The following SCAF11 variants were observed in gnomAD, a reference collection of about 807,000 sequenced individuals.
SCAF11 encodes the protein protein SCAF11.
SCAF11 carries 47 observed loss-of-function variants against 140.5 expected under a neutral mutation model. The observed-to-expected ratio is 0.33, with a 90% CI of 0.26 to 0.43. SCAF11 has a LOEUF of 0.43. Among genes scored for constraint, SCAF11 ranks in the 20% least tolerant of loss-of-function variants. The pLI is 1.00. For missense variants in SCAF11, 1,645 were observed against 1,705.1 expected (o/e 0.96, Z 0.62); for synonymous variants, 557 against 579.4 (o/e 0.96, Z 0.55).
At chr12:45,991,644 C>T (rs1946614262), upstream of SCAF11, among the ~76,000 whole-genome samples, 1 of 152,236 alleles carries the variant, frequency 6.6e-6, no homozygotes, top group Admixed American at 6.5e-5. Flanking sequence ...CCATCCTCCA[C>T]TTTTTCCCCC....
intron 1 of SCAF11, among the ~76,000 whole-genome samples, chr12:45,972,060 A>G (rs1946085700): frequency 6.6e-6 from 1 of 152,178 alleles, no homozygotes; most frequent in African/African-American, 2.4e-5. Flanking sequence ...CCCAAGCTGA[A>G]CGTATGTGGA....
chr12:45,989,547 T>C (rs1002525653), intron 1 of SCAF11, among the ~76,000 whole-genome samples: 3 of 152,258 alleles, frequency 2.0e-5, no homozygotes, highest in Non-Finnish European at 2.9e-5. Context: ...ATCAGGCGTC[T>C]ACTTTTGAAA....
chr12:45,940,497 C>T (rs752574671), intron 6 of SCAF11, among the ~76,000 whole-genome samples: 4 of 152,152 alleles, frequency 2.6e-5, no homozygotes, highest in Non-Finnish European at 4.4e-5. Flanking sequence ...GATATAGAGT[C>T]AGAAGACTGG....
At chr12:45,963,559 A>G (rs1945872889) in intron 2 of SCAF11, among the ~76,000 whole-genome samples, 1 of 152,208 alleles carries the variant, frequency 6.6e-6, no homozygotes, top group African/African-American at 2.4e-5. Context: ...TTTACCACCA[A>G]TAGACCTTCA....
chr12:45,972,614 AAAC>A (rs1195116482), intron 1 of SCAF11, among the ~76,000 whole-genome samples: 1 of 149,360 alleles, frequency 6.7e-6, no homozygotes, highest in Non-Finnish European at 1.5e-5. Context: ...AAAATCCAAA[AAAC>A]AAAAACAAAA....
intron 1 of SCAF11, among the ~76,000 whole-genome samples, chr12:45,976,110 T>C (rs971162547): frequency 3.3e-5 from 5 of 152,164 alleles, no homozygotes; most frequent in African/African-American, 9.7e-5. Flanking sequence ...CCTATATGTG[T>C]ACATTTAACA....
At chr12:45,984,355 T>C (rs1392837622) in intron 1 of SCAF11, among the ~76,000 whole-genome samples, 1 of 152,204 alleles carries the variant, frequency 6.6e-6, no homozygotes, top group Non-Finnish European at 1.5e-5. Context: ...AGATATTTCC[T>C]TATGGTTAGA....
intron 6 of SCAF11, among the ~76,000 whole-genome samples, chr12:45,944,933 C>T (rs1565672137): frequency 6.6e-6 from 1 of 152,094 alleles, no homozygotes; most frequent in Non-Finnish European, 1.5e-5. Context: ...ATCTCATCTC[C>T]CCCAAGGACT....
Position 45,925,054 on chromosome 12 carries a change from T to C in SCAF11, c.3580A>G (p.Thr1194Ala), listed in dbSNP as rs751479962. 12 of 1,612,772 alleles carry C rather than the reference T, an allele frequency of 7.4e-6. No homozygotes were observed. The highest frequency in any genetic ancestry group is 2.7e-5 in the African/African-American group (2 of 74,920). Residue 1194 changes from threonine (T) to alanine (A), a missense_variant, in exon 12 of 15, where the codon ACA becomes GCA. Transcript: ENST00000369367. ...TGAGAACCATCAACTTGCTGGTTTG[T>C]TTGGTCTTTTAGGCTAGAATCTATC... Reference protein sequence around the residue: ...SGQDSSLKDQTNQQVDGSQLP... With the variant: ...SGQDSSLKDQANQQVDGSQLP...
chr12:45,974,383 T>C (rs1946184975), intron 1 of SCAF11: 1 of 355,914 alleles, frequency 2.8e-6, no homozygotes, highest in African/African-American at 2.1e-5. Context: ...GACACTCCTT[T>C]CACAAAAAAT....
intron 1 of SCAF11, among the ~76,000 whole-genome samples, chr12:45,982,607 A>G (rs1429332297): frequency 1.3e-5 from 2 of 152,174 alleles, no homozygotes; most frequent in African/African-American, 4.8e-5. Context: ...CAGGAGACTG[A>G]GGCAGGAGAA....
chr12:45,976,426 A>G (rs1946236377), intron 1 of SCAF11, among the ~76,000 whole-genome samples: 1 of 152,150 alleles, frequency 6.6e-6, no homozygotes, highest in Non-Finnish European at 1.5e-5. Flanking sequence ...CCTAATTTAT[A>G]AGTTAAACTT....
intron 3 of SCAF11, among the ~76,000 whole-genome samples, chr12:45,956,634 A>G (rs1945697761): frequency 6.6e-6 from 1 of 152,218 alleles, no homozygotes; most frequent in African/African-American, 2.4e-5. Context: ...ACCCCCAGTA[A>G]GAACACATTT....
intron 5 of SCAF11, among the ~76,000 whole-genome samples, chr12:45,945,537 T>G (rs1371306488): frequency 2.0e-5 from 2 of 98,058 alleles, no homozygotes; most frequent in African/African-American, 7.6e-5. Flanking sequence ...TATCTCAGTC[T>G]TTTTTTTTTT....
In SCAF11 at chr12:45,933,379, C is replaced by T. The variant is rs538593668; in HGVS notation, c.633-147G>A. The stretch of plus-strand genomic sequence containing the variant: ...ATGTGAGCTCTTTTCTATTTAAACA[C>T]TTTCAAAATAAACTCATTCCTAAAA... On this transcript the variant is annotated intron_variant, in intron 8 of 14. Coordinates refer to ENST00000369367, the MANE Select transcript of SCAF11 (RefSeq NM_004719.3). 1.6e-5 allele frequency: 8 copies of T among 492,710 alleles called. No homozygotes were observed. The South Asian group carries it at 2.5e-4, about 15-fold the overall frequency. The allele number at this position is 492,710 out of a possible 1,614,324, so 30.5% of individuals were successfully genotyped here.
In SCAF11 at chr12:45,928,729, T is replaced by C; in HGVS notation, c.972A>G (p.Thr324=). 6.2e-7 allele frequency: 1 copy of C among 1,614,092 alleles called. No individual in the cohort carries two copies. Among genetic ancestry groups the C allele is most frequent in the Non-Finnish European group, 8.5e-7 (1 of 1,179,982 alleles). The change falls in exon 11 of 15, where the codon ACA becomes ACG. Residue 324 remains threonine (T), a synonymous_variant. Transcript: ENST00000369367. The part of the protein sequence containing the change: ...PAMTTPTRRS[T]RNTRAETASQ... The stretch of plus-strand genomic sequence containing the variant: ...TGGCTGTTTCAGCTCTTGTGTTACG[T>C]GTAGACCTCCTTGTAGGAGTTGTCA...
At chr12:45,961,436 G>GA in intron 3 of SCAF11, 2 of 625,660 alleles carry the variant, frequency 3.2e-6, no homozygotes, top group South Asian at 2.0e-5. Flanking sequence ...ATTTCTACCA[G>GA]AAAAAAAGTT....
chr12:45,981,520 C>T (rs1261945716), intron 1 of SCAF11, among the ~76,000 whole-genome samples: 1 of 152,214 alleles, frequency 6.6e-6, no homozygotes, highest in Admixed American at 6.5e-5. Flanking sequence ...CTCCCATTTT[C>T]TGAGGAATAA....
rs1185726389 is a variant in SCAF11 at position 45,924,750 on chromosome 12, T to C, written c.3884A>G (p.Gln1295Arg). ...PSQQVNYIASQPDGKQLQGIP... is the reference protein window; with the variant it reads ...PSQQVNYIASRPDGKQLQGIP... ...TACCTGCAATTGCTTTCCATCTGGT[T>C]GTGAAGCAATGTAGTTGACTTGTTG... Residue 1295 changes from glutamine to arginine, a missense_variant, in exon 12 of 15, where the codon CAA becomes CGA. Gln to Arg is a conservative substitution (Grantham distance 43). Transcript: ENST00000369367. 21 of 1,606,506 alleles carry C rather than the reference T, an allele frequency of 1.3e-5. No homozygotes were observed. Among genetic ancestry groups the C allele is most frequent in the African/African-American group, 2.7e-5 (2 of 73,694 alleles).
Sources: gnomAD v4.1 joint callset for allele counts (sites outside exome capture counted in the v4.1 genomes callset) on GRCh38, gnomAD v4.1.1 for gene constraint, MANE v1.5 for transcripts, NCBI Gene and HGNC (gene_info 2026-07-23, HGNC 2026-07-21) for gene names.